The following DAB2 variants were observed in gnomAD, a reference collection of about 807,000 sequenced individuals.
The protein encoded by DAB2 is disabled homolog 2.
A neutral mutation model predicts 71.6 loss-of-function variants in DAB2; 28 were observed. That is an observed-to-expected ratio of 0.39 (90% confidence interval 0.29 to 0.54). The LOEUF (loss-of-function observed/expected upper bound fraction) is 0.54. Ranked by LOEUF, DAB2 falls within the 20% of genes least tolerant of loss-of-function variation. The probability of loss-of-function intolerance (pLI) is 0.68; values close to 1 mark genes in which losing one functional copy is unlikely to be tolerated. For synonymous variants in DAB2, 345 were observed against 339.7 expected, an observed-to-expected ratio of 1.02 and a Z score of -0.17; for missense variants, 867 against 928.8, an observed-to-expected ratio of 0.93 and a Z score of 0.86.
intron 11 of DAB2, among the ~76,000 whole-genome samples, chr5:39,380,036 G>C (rs1287025901): frequency 2.0e-5 from 3 of 152,204 alleles, no homozygotes; most frequent in African/African-American, 7.2e-5. Flanking sequence ...ATTGATATCA[G>C]ATAAAAAGCT....
intron 4 of DAB2, among the ~76,000 whole-genome samples, chr5:39,391,632 A>C (rs1408796949): frequency 6.6e-6 from 1 of 152,194 alleles, no homozygotes; most frequent in Non-Finnish European, 1.5e-5. Flanking sequence ...TGAGCCACAC[A>C]CAACATTTTA....
intron 11 of DAB2, among the ~76,000 whole-genome samples, chr5:39,379,665 G>T (rs187681196): frequency 2.3e-4 from 35 of 152,176 alleles, no homozygotes; most frequent in African/African-American, 7.7e-4. Context: ...TCTGAGGCTA[G>T]ATTAAAATAC....
rs554265531 is a variant in DAB2, at chr5:39,381,744, GAAC to G, written c.1342-131_1342-129del. On this transcript the variant is annotated intron_variant, in intron 10 of 14. Transcript: ENST00000320816. ...AAGGAAAACTTTTTTCTTGACAGAT[GAAC>G]AACAACAACTACTACTACAGAAAAA... 287 of 884,842 alleles carry G rather than the reference GAAC, an allele frequency of 3.2e-4. 1 individual carries two copies. In the African/African-American group the frequency reaches 4.1e-3, roughly 13 times the overall value. 54.8% of individuals were successfully genotyped at this position (884,842 alleles called of 1,614,324 possible).
At chr5:39,424,349 C>A (rs546963549) in intron 1 of DAB2, among the ~76,000 whole-genome samples, 1 of 152,058 alleles carries the variant, frequency 6.6e-6, no homozygotes, top group African/African-American at 2.4e-5. Flanking sequence ...GAAAAAGCTC[C>A]TTATGGGCAC....
intron 12 of DAB2, 73 bp downstream of exon 12, chr5:39,376,577 G>A (rs1282108740): frequency 3.3e-6 from 5 of 1,535,370 alleles, no homozygotes; most frequent in South Asian, 1.2e-5. Context: ...GGGTTCATTT[G>A]GGGAACTCAT....
chr5:39,390,200 G>A (rs1229449980), intron 5 of DAB2, among the ~76,000 whole-genome samples: 1 of 152,132 alleles, frequency 6.6e-6, no homozygotes, highest in Non-Finnish European at 1.5e-5. Flanking sequence ...ATTCACCACT[G>A]TTGTGAAGTC....
At chr5:39,399,014 G>T (rs1297205543) in intron 1 of DAB2, among the ~76,000 whole-genome samples, 1 of 151,800 alleles carries the variant, frequency 6.6e-6, no homozygotes. Context: ...CTAGAAAAGG[G>T]ATCTGAGGAC....
chr5:39,391,063 G>C (rs1755216149), intron 4 of DAB2, among the ~76,000 whole-genome samples: 1 of 152,154 alleles, frequency 6.6e-6, no homozygotes, highest in Non-Finnish European at 1.5e-5. Flanking sequence ...ATATTCTGGA[G>C]GATACCAAAT....
chr5:39,402,028 A>G (rs1393711263), intron 1 of DAB2, among the ~76,000 whole-genome samples: 1 of 152,168 alleles, frequency 6.6e-6, no homozygotes, highest in Non-Finnish European at 1.5e-5. Flanking sequence ...GGTGAAAGGC[A>G]CGTCTTACAT....
rs773923533 is a variant in DAB2 at position 39,376,997 on chromosome 5, T to A, written c.1790A>T (p.Asn597Ile). The A allele has an allele frequency of 2.4e-5, 38 of 1,613,942 alleles. No homozygotes were observed. Among genetic ancestry groups the A allele is most frequent in the Non-Finnish European group, 3.1e-5 (37 of 1,179,976 alleles). The change falls in exon 12 of 15, where the codon AAT becomes ATT. Residue 597 changes from asparagine (N) to isoleucine (I), a missense_variant. Asn to Ile is a moderately radical substitution (Grantham distance 149). Transcript: ENST00000320816. ...GGACACAGCAGGAGCTGGAAAAATA[T>A]TGCTCTGAAAAGGATTCCCCAAAGG... is the stretch of plus-strand genomic sequence containing the variant. ...TSPLGNPFQS[N>I]IFPAPAVSTQ...
At chr5:39,413,651 C>T (rs1755780975) in intron 1 of DAB2, among the ~76,000 whole-genome samples, 1 of 152,076 alleles carries the variant, frequency 6.6e-6, no homozygotes, top group South Asian at 2.1e-4. Flanking sequence ...TGTTGAAAGT[C>T]TGGAAAGACC....
chr5:39,388,176 G>A, intron 9 of DAB2, 129 bp downstream of exon 9: 1 of 687,460 alleles, frequency 1.5e-6, no homozygotes, highest in Non-Finnish European at 2.6e-6. Context: ...AAAAACCATT[G>A]ACACTTCATT....
Position 39,382,683 on chromosome 5 carries a change from C to T in DAB2, c.1276G>A (p.Asp426Asn), listed in dbSNP as rs754708327. 6.8e-6 allele frequency: 11 copies of T among 1,614,058 alleles called. No homozygotes were observed. The highest frequency in any genetic ancestry group is 1.6e-4 in the Middle Eastern group (1 of 6,084). ...LESSVQSSPH[D>N]SIAIIPPPQS... ...GGAGGTGGGATAATGGCTATGGAGT[C>T]ATGTGGTGAGGACTGGACAGAGCTT... The change falls in exon 10 of 15, where the codon GAC (aspartate) becomes AAC (asparagine). Residue 426 changes from aspartate (D) to asparagine (N), a missense_variant. This residue lies in a region of DAB2 where 740 missense variants were observed against 734.3 expected (regional missense o/e 1.01). Coordinates refer to ENST00000320816, the MANE Select transcript of DAB2 (RefSeq NM_001343.4).
In DAB2 at chr5:39,383,213, G is replaced by T. The variant is rs1755024519; in HGVS notation, c.746C>A (p.Ser249Tyr). 6.8e-6 allele frequency: 11 copies of T among 1,613,852 alleles called. No individual in the cohort carries two copies. The East Asian group carries it at 8.9e-5, about 13-fold the overall frequency. ...LNSEIDTNQN[S>Y]LRENPFLTNG... is the part of the protein sequence containing the mutation. ...TGTTAAGAATGGATTTTCTCTTAAAGAATTCTGATTGGTGTCGATTTCAGA... is the reference window on the plus strand; with the variant it reads ...TGTTAAGAATGGATTTTCTCTTAAATAATTCTGATTGGTGTCGATTTCAGA... Residue 249 changes from serine (S) to tyrosine (Y), a missense_variant, in exon 10 of 15, where the codon TCT becomes TAT. By Grantham distance (144) the Ser-to-Tyr change is moderately radical. Transcript: ENST00000320816.
intron 1 of DAB2, among the ~76,000 whole-genome samples, chr5:39,412,527 A>G (rs1235186574): frequency 1.3e-5 from 2 of 152,208 alleles, no homozygotes; most frequent in Admixed American, 1.3e-4. Flanking sequence ...TCTAACAGGG[A>G]GCAAAACATA....
At chr5:39,378,637 A>G (rs1286648563) in intron 11 of DAB2, among the ~76,000 whole-genome samples, 1 of 152,176 alleles carries the variant, frequency 6.6e-6, no homozygotes, top group Non-Finnish European at 1.5e-5. Context: ...GGTGGGTTTC[A>G]GAACAGGCCA....
chr5:39,386,636 G>A (rs929610188), intron 9 of DAB2, among the ~76,000 whole-genome samples: 1 of 152,136 alleles, frequency 6.6e-6, no homozygotes, highest in East Asian at 1.9e-4. Flanking sequence ...ATAAAAATGA[G>A]ACTGAAGATT....
At position 39,376,939 on chromosome 5, in the gene DAB2, C is replaced by A. The variant is rs757195866; in HGVS notation, c.1848G>T (p.Leu616=). The change falls in exon 12 of 15, where the codon CTG becomes CTT. Residue 616 remains leucine (L), a synonymous_variant. Coordinates refer to ENST00000320816, the MANE Select transcript of DAB2 (RefSeq NM_001343.4). ...TGGGAGGTGGCTGAGGAGGAGTGAC[C>A]AGGAGAGAGGAGTGCATGGATGGGG... is the stretch of plus-strand genomic sequence containing the variant. The part of the protein sequence containing the change: ...TQPPSMHSSL[L]VTPPQPPPRA... 1.9e-6 allele frequency: 3 copies of A among 1,613,864 alleles called. No homozygotes were observed. In the East Asian group the frequency reaches 6.7e-5, roughly 36 times the overall value.
chr5:39,424,242 A>G (rs1395197691), intron 1 of DAB2, among the ~76,000 whole-genome samples: 7 of 150,982 alleles, frequency 4.6e-5, no homozygotes, highest in Non-Finnish European at 1.0e-4. Context: ...GGGGGATATA[A>G]AACAAGTTTC....
Sources: gnomAD v4.1 joint callset for allele counts (sites outside exome capture counted in the v4.1 genomes callset) on GRCh38, gnomAD v4.1.1 for gene constraint, gnomAD v4.1.1 regional missense constraint, MANE v1.5 for transcripts, NCBI Gene and HGNC (gene_info 2026-07-23, HGNC 2026-07-21) for gene names.